The following MTMR8 variants were observed in gnomAD, a reference collection of about 807,000 sequenced individuals.
MTMR8 encodes phosphatidylinositol-3,5-bisphosphate 3-phosphatase MTMR8.
MTMR8 carries 65 observed loss-of-function variants against 39.3 expected under a neutral mutation model. That is an observed-to-expected ratio of 1.65 (90% CI 1.35 to 2.03). The LOEUF is 2.03. Ranked by LOEUF, MTMR8 falls within the 30% of genes most tolerant of loss-of-function variation. MTMR8 has a pLI of 0.00. For missense variants in MTMR8, 777 were observed against 538.9 expected (o/e 1.44, Z -4.37); for synonymous variants, 245 against 185.2 (o/e 1.32, Z -2.62).
chrX:64,354,730 C>A lies in MTMR8; in HGVS notation c.468+47G>T, dbSNP rs746328401. 2 of 1,088,968 alleles carry A rather than the reference C, an allele frequency of 1.8e-6. 1 individual carries two copies. Among genetic ancestry groups the A allele is most frequent in the Admixed American group, 6.0e-5 (2 of 33,080 alleles). The allele number at this position is 1,088,968 out of a possible 1,213,427, so 89.7% of individuals were successfully genotyped here. ...AAAATCTTGTTTCCTGATATTCTAC[C>A]ATCTTAATTAAATGCACCAAAAGGC... On this transcript the variant is annotated intron_variant, in intron 4 of 13. Coordinates refer to ENST00000374852, the MANE Select transcript of MTMR8 (RefSeq NM_017677.4).
At chrX:64,295,312 A>C (rs1438282312) in intron 12 of MTMR8, among the ~76,000 whole-genome samples, 2 of 111,415 alleles carry the variant, frequency 1.8e-5, no homozygotes, top group South Asian at 7.5e-4. Context: ...AAGAACTAAA[A>C]CTGTAAAATT....
chrX:64,287,336 C>G (rs1237362113), intron 12 of MTMR8, among the ~76,000 whole-genome samples: 2 of 111,655 alleles, frequency 1.8e-5, no homozygotes, highest in African/African-American at 3.3e-5. Context: ...AATGGAAGAA[C>G]ATTCCATGCT....
chrX:64,302,593 C>G (rs752258975), intron 12 of MTMR8, among the ~76,000 whole-genome samples: 1 of 112,292 alleles, frequency 8.9e-6, no homozygotes, highest in African/African-American at 3.2e-5. Context: ...CTCCTCCCCT[C>G]GGACCCTATG....
chrX:64,323,546 A>G (rs1922711078), intron 12 of MTMR8, among the ~76,000 whole-genome samples: 1 of 111,976 alleles, frequency 8.9e-6, no homozygotes, highest in Non-Finnish European at 1.9e-5. Flanking sequence ...TAAAGGACAC[A>G]CTAAATCAAA....
chrX:64,376,255 G>T (rs899728198), intron 1 of MTMR8, among the ~76,000 whole-genome samples: 1 of 112,340 alleles, frequency 8.9e-6, no homozygotes, highest in Non-Finnish European at 1.9e-5. Flanking sequence ...CTTTGAAACT[G>T]GGTAATAGGC....
At chrX:64,317,424 T>C (rs1468377335) in intron 12 of MTMR8, among the ~76,000 whole-genome samples, 2 of 111,750 alleles carry the variant, frequency 1.8e-5, no homozygotes, top group East Asian at 5.6e-4. Context: ...GGGTACTTTC[T>C]ATTTTTATAT....
At chrX:64,276,189 G>A (rs980846489) in intron 12 of MTMR8, among the ~76,000 whole-genome samples, 1 of 110,582 alleles carries the variant, frequency 9.0e-6, no homozygotes, top group Non-Finnish European at 1.9e-5. Context: ...ATCTCCTTCA[G>A]TTCTGATCTG....
At chrX:64,337,521 A>G (rs1923110817) in intron 8 of MTMR8, 128 bp from the exon 9 acceptor site, 2 of 701,648 alleles carry the variant, frequency 2.9e-6, no homozygotes, top group Admixed American at 7.4e-5. Flanking sequence ...ATTTTTTCTC[A>G]TAACATTAAC....
chrX:64,325,718 G>A (rs933755945), intron 12 of MTMR8, among the ~76,000 whole-genome samples: 1 of 112,200 alleles, frequency 8.9e-6, no homozygotes, highest in African/African-American at 3.2e-5. Flanking sequence ...TCTTCCTTAA[G>A]ATAGGGAACA....
chrX:64,303,371 T>C (rs1365830361), intron 12 of MTMR8, among the ~76,000 whole-genome samples: 2 of 112,632 alleles, frequency 1.8e-5, no homozygotes, highest in East Asian at 2.8e-4. Context: ...TTAAACTTTA[T>C]ATTTCTGATG....
chrX:64,275,650 A>G (rs1306009382), intron 12 of MTMR8, among the ~76,000 whole-genome samples: 6 of 82,586 alleles, frequency 7.3e-5, no homozygotes, highest in African/African-American at 6.9e-4. Context: ...GTCTCTCTCA[A>G]AAAAAAAAAA....
rs767367639 is a variant in MTMR8 at position 64,348,723 on chromosome X, C to A, written c.669G>T (p.Leu223Phe). Residue 223 changes from leucine (L) to phenylalanine (F), a missense_variant, in exon 6 of 14, where the codon TTG becomes TTT. Physicochemically the swap from Leu to Phe is conservative, Grantham distance 22 (BLOSUM62 0). Transcript: ENST00000374852. ...CTGGGTTTGTTTGGCTAATGGCCTC[C>A]AACAAGAGCTCATCATCTACACAGC... Reference protein sequence around the residue: ...YTRCVDDELLLEAISQTNPGS... With the variant: ...YTRCVDDELLFEAISQTNPGS... 6 of 1,208,594 alleles carry A rather than the reference C, an allele frequency of 5.0e-6. No homozygotes were observed. Among genetic ancestry groups the A allele is most frequent in the Non-Finnish European group, 6.7e-6 (6 of 894,347 alleles).
intron 1 of MTMR8, among the ~76,000 whole-genome samples, chrX:64,378,525 A>T (rs1372152592): frequency 8.9e-6 from 1 of 112,459 alleles, no homozygotes; most frequent in African/African-American, 3.2e-5. Flanking sequence ...CCAGCCTGAC[A>T]CTTGAATGTA....
At chrX:64,378,933 G>A (rs1199183818) in intron 1 of MTMR8, among the ~76,000 whole-genome samples, 2 of 111,501 alleles carry the variant, frequency 1.8e-5, no homozygotes, top group Non-Finnish European at 3.8e-5. Flanking sequence ...AATAACACCA[G>A]AAATGAAAGA....
chrX:64,293,032 AG>A (rs1234164941), intron 12 of MTMR8, among the ~76,000 whole-genome samples: 1 of 111,218 alleles, frequency 9.0e-6, no homozygotes, highest in Admixed American at 9.6e-5. Context: ...ATGTTAACCA[AG>A]GTCAAAGATC....
At position 64,292,285 on chromosome X, in the gene MTMR8, G is replaced by A. The variant is rs771323266; in HGVS notation, c.1482-21212C>T. Among the ~76,000 whole-genome samples, 158 of 111,698 alleles carry A rather than the reference G, an allele frequency of 1.4e-3. 1 individual carries two copies. Among genetic ancestry groups the A allele is most frequent in the African/African-American group, 5.0e-3 (154 of 30,814 alleles). ...TAGTCCTTTGTTGGAAGTATGTTGAGCTCTCCATCTTTTGGCTGAGCCGAC... is the reference window on the plus strand; with the variant it reads ...TAGTCCTTTGTTGGAAGTATGTTGAACTCTCCATCTTTTGGCTGAGCCGAC... On this transcript the variant is annotated intron_variant, in intron 12 of 13. Transcript: ENST00000374852.
At chrX:64,379,986 T>C (rs1308770283) in intron 1 of MTMR8, among the ~76,000 whole-genome samples, 2 of 111,359 alleles carry the variant, frequency 1.8e-5, no homozygotes, top group African/African-American at 6.5e-5. Flanking sequence ...CAATCCCCAA[T>C]AATGATAAAA....
intron 1 of MTMR8, among the ~76,000 whole-genome samples, chrX:64,373,753 G>A (rs955835818): frequency 1.8e-5 from 2 of 111,138 alleles, no homozygotes; most frequent in African/African-American, 6.6e-5. Context: ...GGAGGCTAGG[G>A]GAAGATGCCA....
At chrX:64,388,558 G>A (rs1395568345) in intron 1 of MTMR8, among the ~76,000 whole-genome samples, 1 of 112,223 alleles carries the variant, frequency 8.9e-6, no homozygotes, top group Non-Finnish European at 1.9e-5. Context: ...TCCAACTAAA[G>A]CAAATTTCAG....
Sources: gnomAD v4.1 joint callset for allele counts (sites outside exome capture counted in the v4.1 genomes callset) on GRCh38, gnomAD v4.1.1 for gene constraint, MANE v1.5 for transcripts, NCBI Gene and HGNC (gene_info 2026-07-23, HGNC 2026-07-21) for gene names.